BCKDHA: variants seen among roughly 807,000 people sequenced by gnomAD.
The protein encoded by BCKDHA is 2-oxoisovalerate dehydrogenase subunit alpha, mitochondrial.
BCKDHA carries 43 observed loss-of-function variants against 52.2 expected under a neutral mutation model. The ratio of observed to expected loss-of-function variants is 0.82; its 90% CI spans 0.64 to 1.06. The LOEUF is 1.06. BCKDHA is among the 50% of genes least tolerant of loss of function. The pLI, the probability that BCKDHA is intolerant of heterozygous loss-of-function variation, is 0.00. For synonymous variants in BCKDHA, 234 were observed against 247.9 expected, an observed-to-expected ratio of 0.94 and a Z score of 0.53; for missense variants, 527 against 621.3, an observed-to-expected ratio of 0.85 and a Z score of 1.61.
intron 4 of BCKDHA, among the ~76,000 whole-genome samples, chr19:41,417,327 T>C (rs2039316693): frequency 6.6e-6 from 1 of 152,178 alleles, no homozygotes; most frequent in African/African-American, 2.4e-5. Flanking sequence ...GTTTGTACTT[T>C]TAGCACGTTC....
chr19:41,415,222 A>G (rs191470330), intron 4 of BCKDHA, among the ~76,000 whole-genome samples: 88 of 152,334 alleles, frequency 5.8e-4, no homozygotes, highest in African/African-American at 2.0e-3. Context: ...TCTAAGGTCT[A>G]GTGTCATCCG....
At position 41,411,014 on chromosome 19, in the gene BCKDHA, G is replaced by A. The variant is rs753696309; in HGVS notation, c.375+5G>A. 58 of 1,613,812 alleles carry A rather than the reference G, an allele frequency of 3.6e-5. No individual in the cohort carries two copies. The highest frequency in any genetic ancestry group is 1.6e-4 in the Middle Eastern group (1 of 6,082). On this transcript the variant is annotated splice_donor_5th_base_variant and intron_variant, in intron 3 of 8. Coordinates refer to ENST00000269980, the MANE Select transcript of BCKDHA (RefSeq NM_000709.4). ...CTCTATGAGTCTCAGCGGCAGGTGCGTGGGGACAGGACTAGGGGCGGGGGG... is the reference window on the plus strand; with the variant it reads ...CTCTATGAGTCTCAGCGGCAGGTGCATGGGGACAGGACTAGGGGCGGGGGG...
rs2039243345 is a variant in BCKDHA, at chr19:41,410,760, A to G, written c.232A>G (p.Ile78Val). The G allele has an allele frequency of 1.2e-6, 2 of 1,614,126 alleles. No individual in the cohort carries two copies. Among genetic ancestry groups the G allele is most frequent in the Non-Finnish European group, 1.7e-6 (2 of 1,180,010 alleles). Reference protein sequence around the residue: ...IQPNVISGIPIYRVMDRQGQI... With the variant: ...IQPNVISGIPVYRVMDRQGQI... ...GCCCAACGTCATCTCTGGAATCCCC[A>G]TCTACCGCGTCATGGACCGGCAAGG... The change falls in exon 2 of 9, where the codon ATC (isoleucine) becomes GTC (valine). Residue 78 changes from isoleucine to valine, a missense_variant. Coordinates refer to ENST00000269980, the MANE Select transcript of BCKDHA (RefSeq NM_000709.4).
chr19:41,416,235 G>A lies in BCKDHA; in HGVS notation c.484+2078G>A, dbSNP rs146297936. On this transcript the variant is annotated intron_variant, in intron 4 of 8. Coordinates refer to ENST00000269980, the MANE Select transcript of BCKDHA (RefSeq NM_000709.4). ...CTGGGGATTACAGGCATGAGCCACC[G>A]CGCCGGGCCAGCCAAGGTGCTGTTA... Among the ~76,000 whole-genome samples the A allele has an allele frequency of 1.6e-3, 237 of 152,226 alleles. 1 individual carries two copies. Among genetic ancestry groups the A allele is most frequent in the African/African-American group, 5.3e-3 (221 of 41,536 alleles).
rs1568503632 is a variant in BCKDHA at position 41,410,630 on chromosome 19, TC to T, written c.109-3del. The T allele has an allele frequency of 6.2e-7, 1 of 1,614,018 alleles. No individual in the cohort carries two copies. The highest frequency in any genetic ancestry group is 1.7e-5 in the Admixed American group (1 of 60,004). On this transcript the variant is annotated splice_region_variant and splice_polypyrimidine_tract_variant and intron_variant, in intron 1 of 8. Transcript: ENST00000269980. ...ATGCAGGTGGTCTCCTCTGCTCTCTTCCCCAGCACCCCCCCAGGCAGCAGCA... is the reference window on the plus strand; with the variant it reads ...ATGCAGGTGGTCTCCTCTGCTCTCTTCCCAGCACCCCCCCAGGCAGCAGCA...
intron 6 of BCKDHA, 123 bp from the exon 7 acceptor site, chr19:41,422,506 C>T: frequency 6.3e-7 from 1 of 1,575,252 alleles, no homozygotes; most frequent in Non-Finnish European, 8.7e-7. Context: ...CTTGGTCAGC[C>T]ACAGGAGTTG....
chr19:41,414,078 T>C lies in BCKDHA; in HGVS notation c.405T>C (p.Tyr135=), dbSNP rs1459441231. The change falls in exon 4 of 9, where the codon TAT becomes TAC. Residue 135 remains tyrosine (Y), a synonymous_variant. Coordinates refer to ENST00000269980, the MANE Select transcript of BCKDHA (RefSeq NM_000709.4). ...QGRISFYMTN[Y]GEEGTHVGSA... is the part of the protein sequence containing the mutation. ...GGATCTCCTTCTACATGACCAACTA[T>C]GGTGAGGAGGGCACGCACGTGGGGA... 3.7e-6 allele frequency: 6 copies of C among 1,613,744 alleles called. No individual in the cohort carries two copies. The highest frequency in any genetic ancestry group is 5.1e-6 in the Non-Finnish European group (6 of 1,180,012).
intron 1 of BCKDHA, among the ~76,000 whole-genome samples, chr19:41,402,036 G>A (rs955923284): frequency 9.2e-5 from 14 of 152,172 alleles, no homozygotes; most frequent in Non-Finnish European, 2.1e-4. Context: ...CAAACATGGC[G>A]GAAGGCAAAT....
chr19:41,423,095 C>T lies in BCKDHA; in HGVS notation c.1093C>T (p.Arg365Trp), dbSNP rs1218567341. ...ACAGGACCACCCCATCTCCCGGCTG[C>T]GGCACTATCTGCTGAGCCAAGGCTG... ...DKQDHPISRL[R>W]HYLLSQGWWD... is the part of the protein sequence containing the mutation. The change falls in exon 8 of 9, where the codon CGG becomes TGG. Residue 365 changes from arginine (R) to tryptophan (W), a missense_variant. Arg to Trp is a moderately radical substitution (Grantham distance 101, BLOSUM62 -3). Coordinates refer to ENST00000269980, the MANE Select transcript of BCKDHA (RefSeq NM_000709.4). 1.2e-5 allele frequency: 19 copies of T among 1,572,196 alleles called. No homozygotes were observed. The Admixed American group carries it at 1.7e-4, about 14-fold the overall frequency.
chr19:41,401,204 G>A (rs2039135505), intron 1 of BCKDHA, among the ~76,000 whole-genome samples: 1 of 151,832 alleles, frequency 6.6e-6, no homozygotes, highest in Non-Finnish European at 1.5e-5. Flanking sequence ...AGCCTCCCGA[G>A]TAGCTGGGAT....
intron 1 of BCKDHA, chr19:41,399,651 CTTCT>C (rs1157296145): frequency 6.6e-6 from 1 of 151,382 alleles, no homozygotes; most frequent in African/African-American, 2.4e-5. Flanking sequence ...TTTCTCTCTT[CTTCT>C]TTCTTTCCTC....
rs746351056 is a variant in BCKDHA, at chr19:41,422,395, C to T, written c.853+25C>T. The T allele has an allele frequency of 3.1e-6, 5 of 1,613,152 alleles. No homozygotes were observed. The African/African-American group carries it at 6.7e-5, about 22-fold the overall frequency. ...GGTATGGGCTCTGCTGGCTGCTCCC[C>T]ACCCCGCTGGGATCATCTCCTTCCC... On this transcript the variant is annotated intron_variant, in intron 6 of 8. Coordinates refer to ENST00000269980, the MANE Select transcript of BCKDHA (RefSeq NM_000709.4).
Position 41,422,960 on chromosome 19 carries a change from G to A in BCKDHA, c.996-38G>A, listed in dbSNP as rs753122878. ...CCTCCCTCCTGACCCCCACTCCAGG[G>A]AGCCCACACTGACCTGGGGCCCCTT... On this transcript the variant is annotated intron_variant, in intron 7 of 8. Transcript: ENST00000269980. 3 of 1,521,284 alleles carry A rather than the reference G, an allele frequency of 2.0e-6. No homozygotes were observed. The East Asian group carries it at 7.0e-5, about 36-fold the overall frequency. 94.2% of individuals were successfully genotyped at this position (1,521,284 alleles called of 1,614,324 possible).
At chr19:41,399,722 C>T (rs557338497) in intron 1 of BCKDHA, 1 of 141,814 alleles carries the variant, frequency 7.1e-6, no homozygotes, top group Non-Finnish European at 1.5e-5. Context: ...TTTTCCCTTT[C>T]CTTTCCTTTC....
At position 41,397,891 on chromosome 19, in the gene BCKDHA, CT is replaced by C. The variant is rs2123232744; in HGVS notation, c.65del (p.Leu22ProfsTer41). Reference protein sequence around the residue: ...RLNRGLSQAALLLLRQPGARG... With the variant: ...RLNRGLSQAAXLLLRQPGARG... ...AAACCGTGGTTTGAGCCAGGCTGCCCTCCTGCTGCTGCGGCAGCCTGGGGCT... is the reference window on the plus strand; with the variant it reads ...AAACCGTGGTTTGAGCCAGGCTGCCCCCTGCTGCTGCGGCAGCCTGGGGCT... On this transcript the variant is annotated frameshift_variant, in exon 1 of 9. Coordinates refer to ENST00000269980, the MANE Select transcript of BCKDHA (RefSeq NM_000709.4). LOFTEE classifies it high-confidence loss of function. The C allele has an allele frequency of 6.2e-7, 1 of 1,614,122 alleles. No homozygotes were observed. Among genetic ancestry groups the C allele is most frequent in the African/African-American group, 1.3e-5 (1 of 75,062 alleles).
At position 41,419,852 on chromosome 19, in the gene BCKDHA, C is replaced by T. The variant is rs139014012; in HGVS notation, c.646+556C>T. Among the ~76,000 whole-genome samples, 475 of 149,314 alleles carry T rather than the reference C, an allele frequency of 3.2e-3. 1 individual carries two copies. The highest frequency in any genetic ancestry group is 6.3e-3 in the Admixed American group (94 of 14,872). ...GTGCAATCTCGGCTCACTGTAACCT[C>T]CACCTCCCAGGCTCAAGTGATTCTC... is the stretch of plus-strand genomic sequence containing the variant. On this transcript the variant is annotated intron_variant, in intron 5 of 8. Transcript: ENST00000269980.
At position 41,422,432 on chromosome 19, in the gene BCKDHA, G is replaced by C. The variant is rs1407737290; in HGVS notation, c.853+62G>C. ...ATCATCTCCTTCCCTCCCCAATCCT[G>C]CCACCTTCCTGCCACCCCTACCCTC... On this transcript the variant is annotated intron_variant, in intron 6 of 8. Coordinates refer to ENST00000269980, the MANE Select transcript of BCKDHA (RefSeq NM_000709.4). 1.9e-6 allele frequency: 3 copies of C among 1,597,390 alleles called. No individual in the cohort carries two copies. The African/African-American group carries it at 4.0e-5, about 21-fold the overall frequency.
chr19:41,415,979 T>A (rs1472674869), intron 4 of BCKDHA, among the ~76,000 whole-genome samples: 3 of 149,566 alleles, frequency 2.0e-5, no homozygotes, highest in African/African-American at 7.5e-5. Context: ...AGTCTCACTC[T>A]GTCGCCCAGG....
chr19:41,420,022 C>T (rs1319403099), intron 5 of BCKDHA, among the ~76,000 whole-genome samples: 1 of 152,198 alleles, frequency 6.6e-6, no homozygotes, highest in Non-Finnish European at 1.5e-5. Context: ...CCACCTTGGC[C>T]TCTCAAAGTG....
Sources: gnomAD v4.1 joint callset for allele counts (sites outside exome capture counted in the v4.1 genomes callset) on GRCh38, gnomAD v4.1.1 for gene constraint, MANE v1.5 for transcripts, NCBI Gene and HGNC (gene_info 2026-07-23, HGNC 2026-07-21) for gene names.